Variants in CYP7B1 observed in about 807,000 individuals in gnomAD.
CYP7B1 encodes cytochrome P450 family 7 subfamily B member 1, also known as cytochrome P450 7B1.
In CYP7B1, 29 loss-of-function variants were observed where a neutral mutation model predicts 42.7. The ratio of observed to expected loss-of-function variants is 0.68; its 90% CI spans 0.51 to 0.93. CYP7B1 has a LOEUF of 0.93. CYP7B1 is among the 40% of genes least tolerant of loss of function. The probability of loss-of-function intolerance (pLI) is 0.00; values close to 1 mark genes in which losing one functional copy is unlikely to be tolerated. For synonymous variants in CYP7B1, 235 were observed against 218.2 expected (o/e 1.08, Z -0.68); for missense variants, 655 against 600.5 (o/e 1.09, Z -0.95).
chr8:64,704,361 A>G (rs1806961171), intron 1 of CYP7B1, among the ~76,000 whole-genome samples: 1 of 152,092 alleles, frequency 6.6e-6, no homozygotes, highest in African/African-American at 2.4e-5. Flanking sequence ...TAATGTCTAT[A>G]AATTCCACAG....
chr8:64,767,069 C>G (rs759933742), intron 1 of CYP7B1, among the ~76,000 whole-genome samples: 2 of 152,214 alleles, frequency 1.3e-5, no homozygotes, highest in Non-Finnish European at 2.9e-5. Context: ...AGCCTCACTC[C>G]TTTGTTAGGG....
At chr8:64,685,258 C>G (rs1248298356) in intron 1 of CYP7B1, among the ~76,000 whole-genome samples, 2 of 148,326 alleles carry the variant, frequency 1.3e-5, no homozygotes, top group Non-Finnish European at 3.0e-5. Flanking sequence ...CCCAAAGTGC[C>G]GAGATTGCAG....
intron 1 of CYP7B1, among the ~76,000 whole-genome samples, chr8:64,771,901 C>T (rs1345043285): frequency 6.6e-6 from 1 of 152,194 alleles, no homozygotes; most frequent in East Asian, 1.9e-4. Flanking sequence ...TGACCACAAA[C>T]CTGGGGTGAC....
intron 1 of CYP7B1, among the ~76,000 whole-genome samples, chr8:64,792,528 A>C (rs1380138813): frequency 6.6e-6 from 1 of 152,180 alleles, no homozygotes; most frequent in Non-Finnish European, 1.5e-5. Flanking sequence ...TGAGTATTTA[A>C]TCAATTGTTG....
intron 1 of CYP7B1, among the ~76,000 whole-genome samples, chr8:64,711,659 G>A (rs889060836): frequency 2.0e-5 from 3 of 152,318 alleles, no homozygotes; most frequent in Admixed American, 6.5e-5. Flanking sequence ...CCTTCAGCAA[G>A]CCATAATACT....
At chr8:64,610,808 G>T (rs750072641) in intron 4 of CYP7B1, among the ~76,000 whole-genome samples, 1 of 151,970 alleles carries the variant, frequency 6.6e-6, no homozygotes, top group South Asian at 2.1e-4. Context: ...TGTCTGAGGC[G>T]ACAGTCATTA....
intron 1 of CYP7B1, among the ~76,000 whole-genome samples, chr8:64,758,134 T>C (rs971586318): frequency 2.6e-5 from 4 of 152,138 alleles, no homozygotes; most frequent in African/African-American, 9.7e-5. Context: ...CCTATTCCTA[T>C]GGTTACCTAG....
chr8:64,686,690 G>A (rs1430126824), intron 1 of CYP7B1, among the ~76,000 whole-genome samples: 3 of 69,054 alleles, frequency 4.3e-5, no homozygotes, highest in African/African-American at 1.2e-4. Flanking sequence ...ATAGAAAGGC[G>A]GGAAAGGTGG....
chr8:64,676,493 C>T (rs1806448363), intron 1 of CYP7B1, among the ~76,000 whole-genome samples: 1 of 152,022 alleles, frequency 6.6e-6, no homozygotes, highest in South Asian at 2.1e-4. Context: ...AGAACCCCTT[C>T]GGATACTTAG....
chr8:64,798,530 G>T lies in CYP7B1; in HGVS notation c.58C>A (p.Pro20Thr), dbSNP rs1261771266. 7 of 1,501,478 alleles carry T rather than the reference G, an allele frequency of 4.7e-6. No homozygotes were observed. Among genetic ancestry groups the T allele is most frequent in the Non-Finnish European group, 6.2e-6 (7 of 1,134,216 alleles). 93.0% of individuals were successfully genotyped at this position (1,501,478 alleles called of 1,614,324 possible). The change falls in exon 1 of 6, where the codon CCG (proline) becomes ACG (threonine). Residue 20 changes from proline to threonine, a missense_variant. Pro to Thr is a conservative substitution (Grantham distance 38). Coordinates refer to ENST00000310193, the MANE Select transcript of CYP7B1 (RefSeq NM_004820.5). ...GRFSLERLGL[P>T]GLALAAALLL... Reference sequence around the variant, plus strand: ...AGGGCCGCGGCGAGGGCCAGGCCCGGGAGGCCCAACCGCTCCAGCGAAAAG... The same window carrying T: ...AGGGCCGCGGCGAGGGCCAGGCCCGTGAGGCCCAACCGCTCCAGCGAAAAG...
rs1366558334 is a variant in CYP7B1, at chr8:64,624,389, G to A, written c.259+14C>T. Reference sequence around the variant, plus strand: ...TGATGACATATATAAGGTATTAATAGAAGTGCTTCTTACCACCAAGAAGAA... The same window carrying A: ...TGATGACATATATAAGGTATTAATAAAAGTGCTTCTTACCACCAAGAAGAA... On this transcript the variant is annotated intron_variant, in intron 2 of 5. Transcript: ENST00000310193. 5 of 1,612,470 alleles carry A rather than the reference G, an allele frequency of 3.1e-6. No homozygotes were observed. In the East Asian group the frequency reaches 6.7e-5, roughly 22 times the overall value.
intron 2 of CYP7B1, among the ~76,000 whole-genome samples, chr8:64,622,748 G>A (rs1167966147): frequency 6.6e-6 from 1 of 152,230 alleles, no homozygotes; most frequent in African/African-American, 2.4e-5. Flanking sequence ...TACCAGTCCA[G>A]AGGCGGCAAG....
At chr8:64,731,821 C>A (rs1019128500) in intron 1 of CYP7B1, among the ~76,000 whole-genome samples, 26 of 152,184 alleles carry the variant, frequency 1.7e-4, no homozygotes, top group African/African-American at 6.0e-4. Context: ...GCTCCAGCTG[C>A]TAAAAGGAGC....
intron 1 of CYP7B1, among the ~76,000 whole-genome samples, chr8:64,735,600 A>G (rs751080081): frequency 3.1e-4 from 47 of 152,174 alleles, no homozygotes; most frequent in Non-Finnish European, 1.3e-4. Context: ...TCATGTATAC[A>G]TGAGGTATAC....
chr8:64,695,845 T>TTTA (rs1439147197), intron 1 of CYP7B1, among the ~76,000 whole-genome samples: 2 of 152,224 alleles, frequency 1.3e-5, no homozygotes, highest in East Asian at 3.9e-4. Flanking sequence ...AGGGCTATTT[T>TTTA]GTAATCTGGC....
intron 1 of CYP7B1, among the ~76,000 whole-genome samples, chr8:64,688,459 T>A (rs1806690108): frequency 7.1e-6 from 1 of 141,546 alleles, no homozygotes; most frequent in Non-Finnish European, 1.5e-5. Flanking sequence ...ATAGACTACA[T>A]GCCAGGTACA....
intron 1 of CYP7B1, among the ~76,000 whole-genome samples, chr8:64,650,400 C>G: frequency 6.6e-6 from 1 of 152,274 alleles, no homozygotes; most frequent in East Asian, 1.9e-4. Context: ...GTAATCCCAG[C>G]ACTTTGGGAG....
rs757227025 is a variant in CYP7B1, at chr8:64,704,941, A to G, written c.123-80402T>C. Among the ~76,000 whole-genome samples, 5 of 152,074 alleles carry G rather than the reference A, an allele frequency of 3.3e-5. No individual in the cohort carries two copies. The South Asian group carries it at 8.3e-4, about 25-fold the overall frequency. Reference sequence around the variant, plus strand: ...TAGTTCCACTGACTCTATTAGGATCATAAGGACCTTGCGTTAGATGTGTTT... The same window carrying G: ...TAGTTCCACTGACTCTATTAGGATCGTAAGGACCTTGCGTTAGATGTGTTT... On this transcript the variant is annotated intron_variant, in intron 1 of 5. Transcript: ENST00000310193.
At chr8:64,605,273 A>G (rs1805262842) in intron 4 of CYP7B1, among the ~76,000 whole-genome samples, 1 of 152,224 alleles carries the variant, frequency 6.6e-6, no homozygotes, top group Non-Finnish European at 1.5e-5. Flanking sequence ...TAGCCATTTA[A>G]TAACCACTTA....
Sources: allele counts gnomAD v4.1 joint callset (sites outside exome capture counted in the v4.1 genomes callset), GRCh38; gene constraint gnomAD v4.1.1; transcripts MANE v1.5; gene names NCBI Gene and HGNC (gene_info 2026-07-23, HGNC 2026-07-21).